TMEM178B: variants seen among roughly 807,000 people sequenced by gnomAD.
TMEM178B encodes transmembrane protein 178B.
A neutral mutation model predicts 31.0 loss-of-function variants in TMEM178B; 5 were observed. The ratio of observed to expected loss-of-function variants is 0.16; its 90% CI spans 0.08 to 0.34. The LOEUF (loss-of-function observed/expected upper bound fraction) is 0.34. Ranked by LOEUF, TMEM178B falls within the 10% of genes least tolerant of loss-of-function variation. The probability of loss-of-function intolerance (pLI) is 1.00; values close to 1 mark genes in which losing one functional copy is unlikely to be tolerated. For missense variants in TMEM178B, 275 were observed against 400.3 expected, an observed-to-expected ratio of 0.69 and a Z score of 2.67; for synonymous variants, 164 against 164.0, an observed-to-expected ratio of 1.00 and a Z score of 0.00.
chr7:141,407,090 T>C (rs933250015), intron 2 of TMEM178B, among the ~76,000 whole-genome samples: 2 of 152,222 alleles, frequency 1.3e-5, no homozygotes, highest in Non-Finnish European at 2.9e-5. Context: ...GCTTCCTATA[T>C]TGCCTATTGT....
intron 2 of TMEM178B, among the ~76,000 whole-genome samples, chr7:141,311,904 A>G (rs1167665401): frequency 6.6e-6 from 1 of 152,212 alleles, no homozygotes; most frequent in Admixed American, 6.5e-5. Flanking sequence ...GATGTAGAAG[A>G]GAGGCTTGTG....
At chr7:141,154,495 A>T (rs189998340) in intron 1 of TMEM178B, among the ~76,000 whole-genome samples, 83 of 152,326 alleles carry the variant, frequency 5.4e-4, no homozygotes, top group African/African-American at 1.9e-3. Context: ...ACTGAAGGTC[A>T]TGTGGCTCCC....
chr7:141,189,359 A>T (rs932585496), intron 1 of TMEM178B, among the ~76,000 whole-genome samples: 3 of 152,254 alleles, frequency 2.0e-5, no homozygotes, highest in African/African-American at 7.2e-5. Flanking sequence ...GTCAGGAATG[A>T]ATAGCTGAGC....
rs537714483 is a variant in TMEM178B at position 141,471,975 on chromosome 7, C to G, written c.*1189C>G. On this transcript the variant is annotated 3_prime_UTR_variant, in exon 4 of 4. Coordinates refer to ENST00000565468, the MANE Select transcript of TMEM178B (RefSeq NM_001195278.2). This position sits in a 1 kb window ranked among gnomAD's most constrained non-coding sequence, Gnocchi z 4.1. ...CACATTACAGCTCTGGGACTCTGCACGATTTAGTCCTCTAATTTTGGAAGT... is the reference window on the plus strand; with the variant it reads ...CACATTACAGCTCTGGGACTCTGCAGGATTTAGTCCTCTAATTTTGGAAGT... 3 of 152,204 alleles carry G rather than the reference C, an allele frequency of 2.0e-5. No individual in the cohort carries two copies. The East Asian group carries it at 5.8e-4, about 29-fold the overall frequency. 9.4% of individuals were successfully genotyped at this position (152,204 alleles called of 1,614,324 possible).
intron 3 of TMEM178B, among the ~76,000 whole-genome samples, chr7:141,453,718 G>A (rs1189839992): frequency 6.6e-6 from 1 of 152,196 alleles, no homozygotes. Flanking sequence ...TCTTCTCATT[G>A]CCCCTCGAAG....
chr7:141,238,981 A>T (rs1243457820), intron 2 of TMEM178B, among the ~76,000 whole-genome samples: 1 of 152,194 alleles, frequency 6.6e-6, no homozygotes, highest in Non-Finnish European at 1.5e-5. Flanking sequence ...TCTCTGCCCA[A>T]TAGAGCAGAG....
chr7:141,417,169 T>C (rs1227707984), intron 2 of TMEM178B, among the ~76,000 whole-genome samples: 2 of 152,212 alleles, frequency 1.3e-5, no homozygotes, highest in Non-Finnish European at 1.5e-5. Context: ...AGAGACACTG[T>C]GGGCTGCTAG....
At chr7:141,097,344 C>T (rs1180897439) in intron 1 of TMEM178B, among the ~76,000 whole-genome samples, 1 of 106,822 alleles carries the variant, frequency 9.4e-6, no homozygotes, top group Admixed American at 1.5e-4. Context: ...CCGGCCTGGG[C>T]GAAAGAGTGA....
chr7:141,486,293 T>C, the TMEM178B span, among the ~76,000 whole-genome samples: 1 of 152,302 alleles, frequency 6.6e-6, no homozygotes, highest in Middle Eastern at 3.4e-3. Context: ...AATTACTTAA[T>C]GGGTACAATG....
At chr7:141,376,269 G>T (rs1029430369) in intron 2 of TMEM178B, among the ~76,000 whole-genome samples, 1 of 152,174 alleles carries the variant, frequency 6.6e-6, no homozygotes, top group Non-Finnish European at 1.5e-5. Flanking sequence ...CAATCTCAAC[G>T]GAATTATTGG....
chr7:141,372,003 C>G (rs1045126920), intron 2 of TMEM178B, among the ~76,000 whole-genome samples: 1 of 152,208 alleles, frequency 6.6e-6, no homozygotes, highest in Non-Finnish European at 1.5e-5. Flanking sequence ...CACTTGGACC[C>G]ATGTTTCCTG....
intron 1 of TMEM178B, among the ~76,000 whole-genome samples, chr7:141,194,498 G>A (rs1796749723): frequency 6.6e-6 from 1 of 152,196 alleles, no homozygotes; most frequent in Non-Finnish European, 1.5e-5. Flanking sequence ...CTCACATCCA[G>A]GTCATGTTGA....
intron 2 of TMEM178B, among the ~76,000 whole-genome samples, chr7:141,270,704 C>T (rs1205095220): frequency 6.6e-6 from 1 of 152,188 alleles, no homozygotes; most frequent in Non-Finnish European, 1.5e-5. Context: ...TCTTCACAAG[C>T]CTCCAGAAAC....
chr7:141,502,769 TAAA>T, the TMEM178B span, among the ~76,000 whole-genome samples: 2 of 146,240 alleles, frequency 1.4e-5, no homozygotes, highest in African/African-American at 2.6e-5. Flanking sequence ...AAACTCAGTC[TAAA>T]AAAAAAAAAA....
At chr7:141,124,695 C>A (rs1795461651) in intron 1 of TMEM178B, among the ~76,000 whole-genome samples, 1 of 152,156 alleles carries the variant, frequency 6.6e-6, no homozygotes, top group Admixed American at 6.5e-5. Flanking sequence ...TATTTGTTGA[C>A]TCCAATGCCT....
At chr7:141,350,352 C>T (rs901624496) in intron 2 of TMEM178B, among the ~76,000 whole-genome samples, 4 of 152,020 alleles carry the variant, frequency 2.6e-5, no homozygotes, top group Non-Finnish European at 2.9e-5. Flanking sequence ...CTCCTGGCAT[C>T]GTAACATGTT....
At chr7:141,082,069 A>C in intron 1 of TMEM178B, among the ~76,000 whole-genome samples, 1 of 152,248 alleles carries the variant, frequency 6.6e-6, no homozygotes, top group Non-Finnish European at 1.5e-5. Flanking sequence ...TTGGAGCAAT[A>C]GGCTATACCA....
rs1796347133 is a variant in TMEM178B, at chr7:141,171,377, A to G, written c.383-41214A>G. ...ATTATCTTACTTTGTTTATATAACAATGCTATGATGTAGGTACTTCTGTGA... is the reference window on the plus strand; with the variant it reads ...ATTATCTTACTTTGTTTATATAACAGTGCTATGATGTAGGTACTTCTGTGA... On this transcript the variant is annotated intron_variant, in intron 1 of 3. Transcript: ENST00000565468. The surrounding 1 kb of genome is among the most constrained non-coding windows in gnomAD (Gnocchi z 4.3). Among the ~76,000 whole-genome samples, 2 of 152,244 alleles carry G rather than the reference A, an allele frequency of 1.3e-5. No individual in the cohort carries two copies. The highest frequency in any genetic ancestry group is 6.5e-5 in the Admixed American group (1 of 15,284).
chr7:141,502,769 T>TAA, the TMEM178B span, among the ~76,000 whole-genome samples: 5 of 146,328 alleles, frequency 3.4e-5, no homozygotes, highest in African/African-American at 1.3e-4. Flanking sequence ...AAACTCAGTC[T>TAA]AAAAAAAAAA....
Sources: allele counts gnomAD v4.1 joint callset (sites outside exome capture counted in the v4.1 genomes callset), GRCh38; gene constraint gnomAD v4.1.1; non-coding constraint Gnocchi (gnomAD v3.1); transcripts MANE v1.5; gene names NCBI Gene and HGNC (gene_info 2026-07-23, HGNC 2026-07-21).